Variants in TSC1 observed in about 807,000 individuals in gnomAD.
TSC1 encodes hamartin.
A neutral mutation model predicts 124.3 loss-of-function variants in TSC1; 20 were observed. That is an observed-to-expected ratio of 0.16 (90% CI 0.11 to 0.23). The LOEUF (loss-of-function observed/expected upper bound fraction) is 0.23. Among genes scored for constraint, TSC1 ranks in the 10% least tolerant of loss-of-function variants. The pLI, the probability that TSC1 is intolerant of heterozygous loss-of-function variation, is 1.00. For synonymous variants in TSC1, 493 were observed against 539.1 expected (o/e 0.91, Z 1.19); for missense variants, 1,124 against 1,448.5 (o/e 0.78, Z 3.64).
chr9:132,903,325 A>C lies in TSC1; in HGVS notation c.2208+326T>G, dbSNP rs568444562. 2.6e-5 allele frequency among the ~76,000 whole-genome samples: 4 copies of C among 152,360 alleles called. No homozygotes were observed. Among genetic ancestry groups the C allele is most frequent in the African/African-American group, 9.6e-5 (4 of 41,588 alleles). On this transcript the variant is annotated intron_variant, in intron 17 of 22. Transcript: ENST00000298552. This position sits in a 1 kb window ranked among gnomAD's most constrained non-coding sequence, Gnocchi z 5.9. ...CTGACTGGCTTCACACCCGCTGTAC[A>C]ATACACGCTTCAGTTTTGTGCCATG...
At chr9:132,944,488 G>C in intron 1 of TSC1, 55 bp downstream of exon 1, 1 of 398,082 alleles carries the variant, frequency 2.5e-6, no homozygotes, top group East Asian at 3.6e-5. Context: ...TCATGGTGCC[G>C]GGGCTGCCCC....
At chr9:132,930,164 A>G (rs1847128234) in intron 2 of TSC1, among the ~76,000 whole-genome samples, 1 of 152,166 alleles carries the variant, frequency 6.6e-6, no homozygotes, top group Non-Finnish European at 1.5e-5. Flanking sequence ...CCCCTTCCAA[A>G]ACTGTATTTT....
rs1158157909 is a variant in TSC1, at chr9:132,923,533, C to G, written c.364-41G>C. 6.2e-7 allele frequency: 1 copy of G among 1,613,654 alleles called. No individual in the cohort carries two copies. The highest frequency in any genetic ancestry group is 8.5e-7 in the Non-Finnish European group (1 of 1,179,726). On this transcript the variant is annotated intron_variant, in intron 5 of 22. Coordinates refer to ENST00000298552, the MANE Select transcript of TSC1 (RefSeq NM_000368.5). The surrounding 1 kb of genome is among the most constrained non-coding windows in gnomAD (Gnocchi z 4.2). ...TCAAACAGGAAACGTCTGTCAGGCA[C>G]TGGCACCAGGATCGGCATTGTACAG...
In TSC1 at chr9:132,935,043, G is replaced by C. The variant is rs1002002547; in HGVS notation, c.-91C>G. 1 of 398,908 alleles carries C rather than the reference G, an allele frequency of 2.5e-6. No individual in the cohort carries two copies. Among genetic ancestry groups the C allele is most frequent in the Admixed American group, 4.4e-5 (1 of 22,714 alleles). The allele number at this position is 398,908 out of a possible 1,614,324, so 24.7% of individuals were successfully genotyped here. A position where few individuals can be genotyped will look rare whatever the true frequency, so the allele number is the denominator to read the frequency against. On this transcript the variant is annotated 5_prime_UTR_variant, in exon 2 of 23. Coordinates refer to ENST00000298552, the MANE Select transcript of TSC1 (RefSeq NM_000368.5). ...CTGGTTATAGCTTACCTGTTCTAGC[G>C]ACAACTGGTACTTCAGTTTCCAGTG... is the stretch of plus-strand genomic sequence containing the variant.
At chr9:132,925,955 A>G (rs1167976172) in intron 4 of TSC1, 6 of 599,836 alleles carry the variant, frequency 1.0e-5, no homozygotes, top group Non-Finnish European at 1.7e-5. Flanking sequence ...TTTGCAGCTC[A>G]TGAAAAAGGA....
Position 132,896,774 on chromosome 9 carries a change from G to GA in TSC1, c.2976-21dup. ...TCAAGCCTGTAAGAAAGCCGGGGAG[G>GA]AAAAAAGGAGCTGGTGATTGGACTG... On this transcript the variant is annotated intron_variant, in intron 22 of 22. Coordinates refer to ENST00000298552, the MANE Select transcript of TSC1 (RefSeq NM_000368.5). This position sits in a 1 kb window ranked among gnomAD's most constrained non-coding sequence, Gnocchi z 4.5. The GA allele has an allele frequency of 6.2e-7, 1 of 1,613,390 alleles. No individual in the cohort carries two copies. The highest frequency in any genetic ancestry group is 8.5e-7 in the Non-Finnish European group (1 of 1,180,010).
At position 132,902,094 on chromosome 9, in the gene TSC1, G is replaced by A; in HGVS notation, c.2392-395C>T. Reference sequence around the variant, plus strand: ...GTGGATGACGTCTTTGTGAAGCCGGGTTTTTTTGGGTGCAGTGATACAAAG... The same window carrying A: ...GTGGATGACGTCTTTGTGAAGCCGGATTTTTTTGGGTGCAGTGATACAAAG... On this transcript the variant is annotated intron_variant, in intron 18 of 22. Transcript: ENST00000298552. This position sits in a 1 kb window ranked among gnomAD's most constrained non-coding sequence, Gnocchi z 5.2. The A allele has an allele frequency of 4.1e-6, 1 of 244,662 alleles. No homozygotes were observed. Among genetic ancestry groups the A allele is most frequent in the Non-Finnish European group, 8.1e-6 (1 of 124,152 alleles). 15.2% of individuals were successfully genotyped at this position (244,662 alleles called of 1,614,324 possible).
At chr9:132,914,517 A>G (rs1222564127) in intron 8 of TSC1, among the ~76,000 whole-genome samples, 1 of 152,130 alleles carries the variant, frequency 6.6e-6, no homozygotes. Flanking sequence ...AGCAAAATTG[A>G]TTAATTTTAT....
At chr9:132,933,673 A>G (rs1362023396) in intron 2 of TSC1, among the ~76,000 whole-genome samples, 1 of 152,244 alleles carries the variant, frequency 6.6e-6, no homozygotes, top group Non-Finnish European at 1.5e-5. Context: ...TGACCACAGG[A>G]GTAACCTAGC....
At chr9:132,917,540 C>T (rs1846329261) in intron 8 of TSC1, among the ~76,000 whole-genome samples, 1 of 152,140 alleles carries the variant, frequency 6.6e-6, no homozygotes, top group Non-Finnish European at 1.5e-5. Context: ...CCATGTTGGC[C>T]AGGCTGGTCT....
rs1201553177 is a variant in TSC1 at position 132,913,900 on chromosome 9, T to G, written c.738-1443A>C. 2.6e-3 allele frequency among the ~76,000 whole-genome samples: 357 copies of G among 136,524 alleles called. 3 individuals carry two copies. Among genetic ancestry groups the G allele is most frequent in the African/African-American group, 9.0e-3 (327 of 36,194 alleles). The allele number at this position is 136,524 out of a possible 152,430, so 89.6% of individuals were successfully genotyped here. Reference sequence around the variant, plus strand: ...TTTTTTGTTTTGTTTTGTTTTTTTTTTTTTTTTTTTTTTTTTTAGACAGAG... The same window carrying G: ...TTTTTTGTTTTGTTTTGTTTTTTTTGTTTTTTTTTTTTTTTTTAGACAGAG... On this transcript the variant is annotated intron_variant, in intron 8 of 22. Coordinates refer to ENST00000298552, the MANE Select transcript of TSC1 (RefSeq NM_000368.5).
At chr9:132,927,442 C>A in intron 3 of TSC1, 138 bp from the exon 4 acceptor site, 1 of 769,000 alleles carries the variant, frequency 1.3e-6, no homozygotes. Flanking sequence ...TACAGTTCTG[C>A]CTTCTTAATT....
At position 132,923,262 on chromosome 9, in the gene TSC1, T is replaced by C; in HGVS notation, c.508+86A>G. ...CATTTCAGCTATAAAAGTCTACATG[T>C]CCATTCCTTACAGCATATGAGCAAT... On this transcript the variant is annotated intron_variant, in intron 6 of 22. Transcript: ENST00000298552. This position sits in a 1 kb window ranked among gnomAD's most constrained non-coding sequence, Gnocchi z 4.2. 4 of 1,554,348 alleles carry C rather than the reference T, an allele frequency of 2.6e-6. No homozygotes were observed. Among genetic ancestry groups the C allele is most frequent in the Non-Finnish European group, 2.6e-6 (3 of 1,146,604 alleles).
intron 8 of TSC1, 63 bp from the exon 9 acceptor site, chr9:132,912,520 G>A (rs778290138): frequency 2.6e-5 from 41 of 1,595,126 alleles, no homozygotes; most frequent in Non-Finnish European, 3.3e-5. Flanking sequence ...ATACTTCAGA[G>A]TGTCAACTCA....
intron 8 of TSC1, among the ~76,000 whole-genome samples, chr9:132,917,468 T>C (rs1009503960): frequency 1.3e-5 from 2 of 152,036 alleles, no homozygotes; most frequent in Admixed American, 6.6e-5. Flanking sequence ...GTAGCTGGGA[T>C]TACAGGCACC....
At chr9:132,932,438 C>G (rs1347160921) in intron 2 of TSC1, among the ~76,000 whole-genome samples, 1 of 152,206 alleles carries the variant, frequency 6.6e-6, no homozygotes, top group Non-Finnish European at 1.5e-5. Flanking sequence ...CAGCCCCCCT[C>G]ACTACTCTCC....
At chr9:132,905,528 C>G in intron 15 of TSC1, 53 bp downstream of exon 15, 1 of 1,610,798 alleles carries the variant, frequency 6.2e-7, no homozygotes, top group Non-Finnish European at 8.5e-7. Flanking sequence ...ACTTTCTGTA[C>G]TTCACAATAA....
chr9:132,906,910 T>C lies in TSC1; in HGVS notation c.1334-75A>G, dbSNP rs920931546. 1.8e-6 allele frequency: 2 copies of C among 1,141,312 alleles called. No homozygotes were observed. The highest frequency in any genetic ancestry group is 1.5e-5 in the African/African-American group (1 of 65,476). 70.7% of individuals were successfully genotyped at this position (1,141,312 alleles called of 1,614,324 possible). A position where few individuals can be genotyped will look rare whatever the true frequency, so the allele number is the denominator to read the frequency against. On this transcript the variant is annotated intron_variant, in intron 13 of 22. Transcript: ENST00000298552. The surrounding 1 kb of genome is among the most constrained non-coding windows in gnomAD (Gnocchi z 4.1). ...TGTAAGTGTAAAACTGCTTACACTG[T>C]ATAGAATATGTCTGTAATAACTCTT...
chr9:132,894,761 C>T lies in TSC1; in HGVS notation c.*1474G>A, dbSNP rs1013551475. 1.5e-4 allele frequency: 34 copies of T among 220,606 alleles called. No individual in the cohort carries two copies. Among genetic ancestry groups the T allele is most frequent in the Non-Finnish European group, 2.6e-4 (29 of 111,112 alleles). 13.7% of individuals were successfully genotyped at this position (220,606 alleles called of 1,614,324 possible). A position where few individuals can be genotyped will look rare whatever the true frequency, so the allele number is the denominator to read the frequency against. On this transcript the variant is annotated 3_prime_UTR_variant, in exon 23 of 23. Coordinates refer to ENST00000298552, the MANE Select transcript of TSC1 (RefSeq NM_000368.5). The stretch of plus-strand genomic sequence containing the variant: ...GAGGCCTCCGTGGGCACTAAGATTT[C>T]GTACCGTGACAGTTTTTTACCTCTT...
Sources: gnomAD v4.1 joint callset for allele counts (sites outside exome capture counted in the v4.1 genomes callset) on GRCh38, gnomAD v4.1.1 for gene constraint, Gnocchi (gnomAD v3.1) non-coding constraint, MANE v1.5 for transcripts, NCBI Gene and HGNC (gene_info 2026-07-23, HGNC 2026-07-21) for gene names.